The following CDH10 variants were observed in gnomAD, a reference collection of about 807,000 sequenced individuals.
CDH10 encodes cadherin 10.
A neutral mutation model predicts 73.1 loss-of-function variants in CDH10; 30 were observed. That is an observed-to-expected ratio of 0.41 (90% CI 0.31 to 0.56). CDH10 has a LOEUF of 0.56. Among genes scored for constraint, CDH10 ranks in the 20% least tolerant of loss-of-function variants. The pLI, the probability that CDH10 is intolerant of heterozygous loss-of-function variation, is 0.27. For synonymous variants in CDH10, 345 were observed against 348.2 expected, an observed-to-expected ratio of 0.99 and a Z score of 0.10; for missense variants, 815 against 973.7, an observed-to-expected ratio of 0.84 and a Z score of 2.17.
At chr5:24,642,233 T>C (rs776246285) in intron 1 of CDH10, among the ~76,000 whole-genome samples, 1 of 152,150 alleles carries the variant, frequency 6.6e-6, no homozygotes, top group Non-Finnish European at 1.5e-5. Context: ...TGGAATGATT[T>C]GGTATAAAAA....
chr5:24,610,663 T>C (rs980985835), intron 1 of CDH10, among the ~76,000 whole-genome samples: 1 of 152,358 alleles, frequency 6.6e-6, no homozygotes, highest in Non-Finnish European at 1.5e-5. Flanking sequence ...AAATATTTCC[T>C]GGCAATATTC....
At chr5:24,582,804 A>G (rs13185244) in intron 2 of CDH10, among the ~76,000 whole-genome samples, 58,469 of 152,042 alleles carry the variant, frequency 0.38, 13,660 homozygotes, top group East Asian at 0.53. Context: ...AATGTCACTC[A>G]TAAATCTTTT....
chr5:24,598,666 A>T (rs1470203865), intron 1 of CDH10, among the ~76,000 whole-genome samples: 2 of 152,106 alleles, frequency 1.3e-5, no homozygotes, highest in African/African-American at 4.8e-5. Flanking sequence ...TACAACACAA[A>T]GGTTTGGTAG....
intron 2 of CDH10, among the ~76,000 whole-genome samples, chr5:24,563,451 TAA>T (rs34730632): frequency 1.4e-5 from 2 of 144,602 alleles, no homozygotes; most frequent in Admixed American, 6.9e-5. Context: ...TATAGAAGCT[TAA>T]AAAAAAAAAA....
Position 24,638,439 on chromosome 5 carries a change from CA to C in CDH10, c.-124+6154del, listed in dbSNP as rs528503429. 3.6e-3 allele frequency among the ~76,000 whole-genome samples: 540 copies of C among 151,154 alleles called. 4 individuals are homozygous for C. Among genetic ancestry groups the C allele is most frequent in the Non-Finnish European group, 4.5e-3 (304 of 67,552 alleles). On this transcript the variant is annotated intron_variant, in intron 1 of 11. Transcript: ENST00000264463. The stretch of plus-strand genomic sequence containing the variant: ...CCACTCTTCACTCAGTAGTTGAAAA[CA>C]AAAAAAGGAAAAAGAGACAAAGTGA...
intron 2 of CDH10, among the ~76,000 whole-genome samples, chr5:24,544,821 C>T (rs1174245166): frequency 1.3e-5 from 2 of 152,154 alleles, no homozygotes; most frequent in Non-Finnish European, 2.9e-5. Flanking sequence ...GTTGCTATGT[C>T]ACTTCTTGAA....
chr5:24,641,898 A>G (rs1748065077), intron 1 of CDH10, among the ~76,000 whole-genome samples: 2 of 152,136 alleles, frequency 1.3e-5, no homozygotes, highest in Non-Finnish European at 2.9e-5. Flanking sequence ...TGAAATTTAG[A>G]GATCAAATAT....
chr5:24,509,107 A>G (rs1470001615), intron 7 of CDH10, among the ~76,000 whole-genome samples: 1 of 151,904 alleles, frequency 6.6e-6, no homozygotes, highest in African/African-American at 2.4e-5. Context: ...CCATATTTGT[A>G]TACAACTTAT....
intron 8 of CDH10, among the ~76,000 whole-genome samples, chr5:24,500,570 C>G (rs1276361309): frequency 6.6e-6 from 1 of 152,254 alleles, no homozygotes; most frequent in Non-Finnish European, 1.5e-5. Context: ...GTTCACCACT[C>G]ATTTGTTATG....
At chr5:24,627,577 A>G (rs557103585) in intron 1 of CDH10, among the ~76,000 whole-genome samples, 5 of 152,174 alleles carry the variant, frequency 3.3e-5, no homozygotes, top group Admixed American at 3.3e-4. Flanking sequence ...TAGCTTTGTG[A>G]TTTGTGAAAG....
chr5:24,530,016 C>CT (rs34282847), intron 5 of CDH10, among the ~76,000 whole-genome samples: 86,440 of 121,680 alleles, frequency 0.71, 32,159 homozygotes, highest in South Asian at 0.8. Flanking sequence ...TCTATTTTTA[C>CT]TTTTTTTTTT....
At chr5:24,591,694 A>G (rs1306162549) in intron 2 of CDH10, among the ~76,000 whole-genome samples, 2 of 151,822 alleles carry the variant, frequency 1.3e-5, no homozygotes, top group Admixed American at 6.6e-5. Context: ...ATTAAGATCT[A>G]CTCTAAGAGC....
At chr5:24,528,871 C>T (rs1743628688) in intron 5 of CDH10, among the ~76,000 whole-genome samples, 2 of 151,962 alleles carry the variant, frequency 1.3e-5, no homozygotes, top group Admixed American at 1.3e-4. Context: ...CCTGGATCCG[C>T]AACCTGCTTC....
chr5:24,536,070 A>C (rs1743942882), intron 3 of CDH10, among the ~76,000 whole-genome samples: 1 of 152,132 alleles, frequency 6.6e-6, no homozygotes, highest in Non-Finnish European at 1.5e-5. Flanking sequence ...TAGCATACAG[A>C]ATATAATAAA....
chr5:24,570,550 A>G (rs1484573540), intron 2 of CDH10, among the ~76,000 whole-genome samples: 1 of 152,088 alleles, frequency 6.6e-6, no homozygotes. Context: ...ATTCCTATCC[A>G]CAGATGTTTA....
intron 1 of CDH10, among the ~76,000 whole-genome samples, chr5:24,630,523 A>G (rs1252793791): frequency 6.7e-6 from 1 of 150,182 alleles, no homozygotes; most frequent in Non-Finnish European, 1.5e-5. Context: ...ACGGCACTCC[A>G]GCCCTGGTGA....
At chr5:24,500,082 T>C (rs890104693) in intron 8 of CDH10, among the ~76,000 whole-genome samples, 3 of 152,200 alleles carry the variant, frequency 2.0e-5, no homozygotes, top group Non-Finnish European at 4.4e-5. Context: ...TGGATATCAT[T>C]TTGCCTTGTA....
At chr5:24,540,925 A>C (rs1025816770) in intron 2 of CDH10, among the ~76,000 whole-genome samples, 5 of 151,962 alleles carry the variant, frequency 3.3e-5, no homozygotes, top group African/African-American at 1.2e-4. Context: ...GATTATGTGG[A>C]TAATCTAATT....
At chr5:24,492,208 G>A (rs1209356723) in intron 10 of CDH10, among the ~76,000 whole-genome samples, 1 of 152,126 alleles carries the variant, frequency 6.6e-6, no homozygotes, top group Non-Finnish European at 1.5e-5. Context: ...GTGCATCTGT[G>A]CGTGTGTGCT....
Sources: allele counts gnomAD v4.1 joint callset (sites outside exome capture counted in the v4.1 genomes callset), GRCh38; gene constraint gnomAD v4.1.1; transcripts MANE v1.5; gene names NCBI Gene and HGNC (gene_info 2026-07-23, HGNC 2026-07-21).